The following XPO6 variants were observed in gnomAD, a reference collection of about 807,000 sequenced individuals.
The protein encoded by XPO6 is exportin-6.
XPO6 carries 3 observed loss-of-function variants against 130.0 expected under a neutral mutation model. The observed-to-expected ratio is 0.02, with a 90% CI of 0.01 to 0.06. XPO6 has a LOEUF of 0.06. Among genes scored for constraint, XPO6 ranks in the 10% least tolerant of loss-of-function variants. XPO6 has a pLI of 1.00. For synonymous variants in XPO6, 524 were observed against 548.9 expected, an observed-to-expected ratio of 0.95 and a Z score of 0.63; for missense variants, 970 against 1,393.0, an observed-to-expected ratio of 0.70 and a Z score of 4.83.
Position 28,117,329 on chromosome 16 carries a change from T to C in XPO6, c.1993A>G (p.Ile665Val). 1 of 1,613,952 alleles carries C rather than the reference T, an allele frequency of 6.2e-7. No individual in the cohort carries two copies. The highest frequency in any genetic ancestry group is 1.1e-5 in the South Asian group (1 of 91,080). The change falls in exon 15 of 24, where the codon ATC becomes GTC. Residue 665 changes from isoleucine to valine, a missense_variant. Coordinates refer to ENST00000304658, the MANE Select transcript of XPO6 (RefSeq NM_015171.4). Reference protein sequence around the residue: ...STTMDAITPLISTKVQDKLLL... With the variant: ...STTMDAITPLVSTKVQDKLLL... The stretch of plus-strand genomic sequence containing the variant: ...TGCTGTTTCGAGACCTTGGTGCTGA[T>C]TAGAGGTGTGATTGCATCCATGGTA...
intron 6 of XPO6, among the ~76,000 whole-genome samples, chr16:28,156,986 A>C (rs2043194210): frequency 6.6e-6 from 1 of 152,218 alleles, no homozygotes; most frequent in Non-Finnish European, 1.5e-5. Context: ...AAAATCCCTA[A>C]CACCACATAC....
chr16:28,181,091 G>A, intron 1 of XPO6, 60 bp from the exon 2 acceptor site: 1 of 1,324,394 alleles, frequency 7.6e-7, no homozygotes, highest in Non-Finnish European at 1.1e-6. Context: ...CTGTTCCTCA[G>A]TTCCTTCTAG....
intron 14 of XPO6, among the ~76,000 whole-genome samples, chr16:28,119,851 ATTTCTTTTC>A (rs1206128226): frequency 6.6e-6 from 1 of 151,926 alleles, no homozygotes; most frequent in Non-Finnish European, 1.5e-5. Context: ...GTTGTCTGTA[ATTTCTTTTC>A]TTTCTTTTCT....
intron 15 of XPO6, among the ~76,000 whole-genome samples, chr16:28,114,504 C>T (rs1235340687): frequency 1.3e-5 from 2 of 152,168 alleles, no homozygotes; most frequent in Admixed American, 6.5e-5. Flanking sequence ...ATAAAGTGTG[C>T]AATAAGCATT....
intron 12 of XPO6, among the ~76,000 whole-genome samples, chr16:28,131,646 A>G (rs1400813855): frequency 6.6e-6 from 1 of 152,232 alleles, no homozygotes; most frequent in Non-Finnish European, 1.5e-5. Flanking sequence ...GGGTAAATTA[A>G]CATCTCTGAA....
chr16:28,176,216 G>T, intron 3 of XPO6, 121 bp from the exon 4 acceptor site: 1 of 844,212 alleles, frequency 1.2e-6, no homozygotes. Flanking sequence ...TAAAGGTTTG[G>T]GGCAATATGG....
intron 12 of XPO6, among the ~76,000 whole-genome samples, chr16:28,130,901 G>A (rs926715204): frequency 6.6e-6 from 1 of 152,176 alleles, no homozygotes. Flanking sequence ...ACAGGACACT[G>A]AAGGGTCAGT....
chr16:28,112,855 G>T (rs747056735), intron 16 of XPO6, 49 bp downstream of exon 16: 2 of 1,577,832 alleles, frequency 1.3e-6, no homozygotes, highest in African/African-American at 2.7e-5. Context: ...GCTTCCTTGG[G>T]TCTCAGTCAC....
intron 8 of XPO6, among the ~76,000 whole-genome samples, chr16:28,148,217 A>G (rs1224601465): frequency 1.3e-5 from 2 of 152,224 alleles, no homozygotes. Context: ...TATAAACTTC[A>G]TGCATGTGAA....
intron 6 of XPO6, among the ~76,000 whole-genome samples, chr16:28,160,055 C>A (rs925056254): frequency 3.3e-5 from 5 of 151,014 alleles, no homozygotes; most frequent in Admixed American, 1.3e-4. Flanking sequence ...CGTGGTGGTG[C>A]GTGCCTATAA....
intron 4 of XPO6, among the ~76,000 whole-genome samples, chr16:28,170,270 T>C (rs951905279): frequency 1.3e-5 from 2 of 148,336 alleles, no homozygotes; most frequent in Non-Finnish European, 3.0e-5. Context: ...AGGTGGAGGT[T>C]GTGGTGAGCC....
intron 13 of XPO6, among the ~76,000 whole-genome samples, chr16:28,122,108 G>A (rs772486499): frequency 2.0e-5 from 3 of 152,042 alleles, no homozygotes; most frequent in Non-Finnish European, 4.4e-5. Flanking sequence ...TGACATGGTT[G>A]TACTAAATAT....
intron 5 of XPO6, chr16:28,167,136 T>A (rs2141846150): frequency 2.0e-6 from 2 of 985,246 alleles, no homozygotes; most frequent in Middle Eastern, 5.2e-4. Flanking sequence ...TTCTGAAGCC[T>A]CTCAAGTCTC....
intron 17 of XPO6, among the ~76,000 whole-genome samples, chr16:28,107,967 T>C (rs1022382885): frequency 7.2e-5 from 11 of 152,160 alleles, no homozygotes; most frequent in Non-Finnish European, 1.2e-4. Flanking sequence ...CCTCTGGCCA[T>C]TGGCAACAAG....
At chr16:28,140,538 T>C (rs2042870858) in intron 9 of XPO6, among the ~76,000 whole-genome samples, 1 of 150,716 alleles carries the variant, frequency 6.6e-6, no homozygotes, top group Admixed American at 6.6e-5. Context: ...ATTAGCTGAG[T>C]GTGGTGGTTT....
intron 3 of XPO6, among the ~76,000 whole-genome samples, chr16:28,176,501 T>A (rs1028997150): frequency 6.8e-6 from 1 of 146,210 alleles, no homozygotes; most frequent in African/African-American, 2.5e-5. Flanking sequence ...ACAATTAGAT[T>A]TTTTTTTTTT....
rs987064350 is a variant in XPO6, at chr16:28,129,960, A to T, written c.1606+2374T>A. Among the ~76,000 whole-genome samples the T allele has an allele frequency of 2.6e-5, 4 of 152,356 alleles. No homozygotes were observed. In the East Asian group the frequency reaches 5.8e-4, roughly 22 times the overall value. On this transcript the variant is annotated intron_variant, in intron 12 of 23. Transcript: ENST00000304658. The stretch of plus-strand genomic sequence containing the variant: ...CTGTGCAAGGGGAACACCACCAATG[A>T]GGGTTTCTTAACCCACATAAGGTAG...
At chr16:28,184,714 G>A (rs1048630802) in intron 1 of XPO6, among the ~76,000 whole-genome samples, 1 of 151,966 alleles carries the variant, frequency 6.6e-6, no homozygotes, top group Non-Finnish European at 1.5e-5. Context: ...TAGTTATCAG[G>A]AAAATACAAA....
intron 6 of XPO6, among the ~76,000 whole-genome samples, chr16:28,160,503 CCA>C (rs895905446): frequency 1.7e-5 from 2 of 116,684 alleles, no homozygotes; most frequent in African/African-American, 4.2e-5. Flanking sequence ...GACTCCATCA[CCA>C]AAAAAAAAAA....
Sources: gnomAD v4.1 joint callset for allele counts (sites outside exome capture counted in the v4.1 genomes callset) on GRCh38, gnomAD v4.1.1 for gene constraint, MANE v1.5 for transcripts, NCBI Gene and HGNC (gene_info 2026-07-23, HGNC 2026-07-21) for gene names.